Variants in NAA11 observed in about 807,000 individuals in gnomAD.
The protein encoded by NAA11 is N-alpha-acetyltransferase 11, NatA catalytic subunit.
NAA11 carries 15 observed loss-of-function variants against 16.1 expected under a neutral mutation model. The observed-to-expected ratio is 0.93, with a 90% confidence interval of 0.62 to 1.44. The LOEUF (loss-of-function observed/expected upper bound fraction) is 1.44. NAA11 is among the 40% of genes most tolerant of loss of function. The pLI is 0.00. For missense variants in NAA11, 298 were observed against 291.3 expected, an observed-to-expected ratio of 1.02 and a Z score of -0.17; for synonymous variants, 122 against 112.4, an observed-to-expected ratio of 1.09 and a Z score of -0.54.
At chr4:79,225,345 A>G (rs1055269207), downstream of NAA11, among the ~76,000 whole-genome samples, 3 of 152,192 alleles carry the variant, frequency 2.0e-5, no homozygotes, top group South Asian at 6.2e-4. Context: ...AAATACACTT[A>G]CTTTAAGAGC....
intron 2 of NAA11, among the ~76,000 whole-genome samples, chr4:79,286,979 TACAAAACCAAAGTAGCGCAC>T (rs1176494715): frequency 6.6e-6 from 1 of 152,120 alleles, no homozygotes; most frequent in Non-Finnish European, 1.5e-5. Flanking sequence ...GATGGTATGG[TACAAAACCAAAGTAGCGCAC>T]TCTCCTTCAC....
At chr4:79,172,126 C>A in the NAA11 span, among the ~76,000 whole-genome samples, 5 of 152,140 alleles carry the variant, frequency 3.3e-5, no homozygotes, top group African/African-American at 9.6e-5. Flanking sequence ...AGTTTATATT[C>A]TTTTCTTTCA....
intron 2 of NAA11, among the ~76,000 whole-genome samples, chr4:79,229,782 G>A (rs756786148): frequency 2.6e-5 from 4 of 151,888 alleles, no homozygotes; most frequent in African/African-American, 9.7e-5. Context: ...ATAGAAGTGG[G>A]GCATAGAGAT....
the NAA11 span, among the ~76,000 whole-genome samples, chr4:79,160,268 A>AG: frequency 6.6e-6 from 1 of 152,352 alleles, no homozygotes; most frequent in Non-Finnish European, 1.5e-5. Flanking sequence ...TTGGGATTAC[A>AG]GGCATGAGCC....
chr4:79,167,229 G>A, the NAA11 span, among the ~76,000 whole-genome samples: 199 of 94,606 alleles, frequency 2.1e-3, 2 homozygotes, highest in Non-Finnish European at 3.5e-3. Flanking sequence ...ACACATATAT[G>A]TATGTATACA....
At chr4:79,239,898 C>T (rs1466856216) in intron 2 of NAA11, among the ~76,000 whole-genome samples, 2 of 152,084 alleles carry the variant, frequency 1.3e-5, no homozygotes, top group Admixed American at 6.6e-5. Context: ...GCAAAGTGGC[C>T]ATGATGTCAG....
chr4:79,256,549 A>C (rs1722109465), intron 2 of NAA11, among the ~76,000 whole-genome samples: 1 of 151,562 alleles, frequency 6.6e-6, no homozygotes, highest in Non-Finnish European at 1.5e-5. Flanking sequence ...TCTTTATGTT[A>C]GCAGCTATTG....
chr4:79,230,424 TAATA>T (rs201839991), intron 2 of NAA11, among the ~76,000 whole-genome samples: 2,407 of 152,004 alleles, frequency 0.016, 62 homozygotes, highest in African/African-American at 0.054. Flanking sequence ...TAAAGTATAA[TAATA>T]AATAAATAAA....
At chr4:79,184,658 A>G in the NAA11 span, among the ~76,000 whole-genome samples, 1 of 152,176 alleles carries the variant, frequency 6.6e-6, no homozygotes, top group Non-Finnish European at 1.5e-5. Flanking sequence ...GGGGGAGCAG[A>G]GTGGAATCTT....
chr4:79,287,496 A>G (rs1270057530), intron 2 of NAA11, among the ~76,000 whole-genome samples: 2 of 151,584 alleles, frequency 1.3e-5, no homozygotes, highest in African/African-American at 4.9e-5. Context: ...TTGGATATTC[A>G]GTGGCCAATG....
At chr4:79,313,971 A>C (rs774611866), downstream of NAA11, among the ~76,000 whole-genome samples, 3 of 152,114 alleles carry the variant, frequency 2.0e-5, no homozygotes, top group Non-Finnish European at 4.4e-5. Context: ...TCATGGTGTG[A>C]TTTGTGAATG....
At chr4:79,302,496 C>G (rs932372770) in intron 1 of NAA11, among the ~76,000 whole-genome samples, 1 of 152,130 alleles carries the variant, frequency 6.6e-6, no homozygotes, top group Non-Finnish European at 1.5e-5. Context: ...TAGTTTTCTA[C>G]AAAGACACCC....
intron 2 of NAA11, among the ~76,000 whole-genome samples, chr4:79,258,607 G>A (rs1722177730): frequency 6.6e-6 from 1 of 152,158 alleles, no homozygotes; most frequent in South Asian, 2.1e-4. Context: ...GTGCTGGCCT[G>A]CAGGCACCCC....
At position 79,316,799 on chromosome 4, in the gene NAA11, T is replaced by C. The variant is rs17441891; in HGVS notation, c.*1005A>G. 0.42 allele frequency: 63,698 copies of C among 151,962 alleles called. 14,645 individuals carry two copies. The highest frequency in any genetic ancestry group is 0.77 in the East Asian group (4,004 of 5,170). The allele number at this position is 151,962 out of a possible 1,614,324, so 9.4% of individuals were successfully genotyped here. ...GTAGCCATGTATTAAGCAAACACATTTTTAAACAGCAGATTCTCCATTTTT... is the reference window on the plus strand; with the variant it reads ...GTAGCCATGTATTAAGCAAACACATCTTTAAACAGCAGATTCTCCATTTTT... On this transcript the variant is annotated 3_prime_UTR_variant, in exon 2 of 2. Coordinates refer to ENST00000286794, the MANE Select transcript of NAA11 (RefSeq NM_032693.3).
chr4:79,299,803 T>A (rs1723333709), intron 1 of NAA11, among the ~76,000 whole-genome samples: 1 of 152,186 alleles, frequency 6.6e-6, no homozygotes, highest in Non-Finnish European at 1.5e-5. Context: ...AGGAATCTGT[T>A]CTCATATTGC....
At chr4:79,228,091 T>C (rs1488065246) in intron 2 of NAA11, 1 of 152,022 alleles carries the variant, frequency 6.6e-6, no homozygotes, top group Non-Finnish European at 1.5e-5. Context: ...TATTGCTCAA[T>C]GCCTGTTGAT....
chr4:79,232,680 G>T (rs115091003), intron 2 of NAA11, among the ~76,000 whole-genome samples: 1,922 of 152,024 alleles, frequency 0.013, 44 homozygotes, highest in African/African-American at 0.044. Context: ...TATGAAATGA[G>T]AATTTGTTCA....
chr4:79,211,952 A>G, the NAA11 span: 1 of 152,232 alleles, frequency 6.6e-6, no homozygotes, highest in Non-Finnish European at 1.5e-5. Context: ...TTTCTGACTC[A>G]TGAGAGCTCT....
At chr4:79,189,155 A>AAAAAAAAAAAAAAAAAAAAC in the NAA11 span, among the ~76,000 whole-genome samples, 5 of 146,826 alleles carry the variant, frequency 3.4e-5, 1 homozygote, top group Non-Finnish European at 7.6e-5. Context: ...CAAAAAAAAA[A>AAAAAAAAAAAAAAAAAAAAC]AAAAAAAAAC....
Sources: gnomAD v4.1 joint callset for allele counts (sites outside exome capture counted in the v4.1 genomes callset) on GRCh38, gnomAD v4.1.1 for gene constraint, MANE v1.5 for transcripts, NCBI Gene and HGNC (gene_info 2026-07-23, HGNC 2026-07-21) for gene names.